Variants in TNS1 observed in about 807,000 individuals in gnomAD.
The protein encoded by TNS1 is tensin 1, also known as tensin-1.
Under a neutral mutation model 168.6 loss-of-function variants are expected in TNS1, and 62 were observed. The ratio of observed to expected loss-of-function variants is 0.37; its 90% confidence interval spans 0.30 to 0.45. The LOEUF (loss-of-function observed/expected upper bound fraction) is 0.45, where lower values mean the gene tolerates loss of function less well. TNS1 is among the 20% of genes least tolerant of loss of function. TNS1 has a pLI of 1.00. For missense variants in TNS1, 2,240 were observed against 2,339.4 expected, an observed-to-expected ratio of 0.96 and a Z score of 0.88; for synonymous variants, 934 against 933.2, an observed-to-expected ratio of 1.00 and a Z score of -0.02.
chr2:217,884,073 T>C (rs528200819), intron 16 of TNS1, among the ~76,000 whole-genome samples: 22 of 146,180 alleles, frequency 1.5e-4, no homozygotes, highest in African/African-American at 5.3e-4. Context: ...TTTCTGTTCA[T>C]ATCTATAGGG....
intron 18 of TNS1, among the ~76,000 whole-genome samples, chr2:217,865,374 CT>C (rs988855199): frequency 1.3e-5 from 2 of 152,208 alleles, no homozygotes; most frequent in Non-Finnish European, 2.9e-5. Context: ...ACCCTTGGGC[CT>C]TTCTGCCTTT....
At chr2:217,966,308 T>TGCGTGC (rs1553621682) in intron 3 of TNS1, among the ~76,000 whole-genome samples, 99 of 133,746 alleles carry the variant, frequency 7.4e-4, no homozygotes, top group African/African-American at 2.8e-3. Context: ...TGTGTGTGTG[T>TGCGTGC]GCGCGCGCGC....
chr2:217,848,457 T>C lies in TNS1; in HGVS notation c.2060A>G (p.Glu687Gly). ...GGCAGGCCCCGCCCGGCTGGCAGAC[T>C]CGTAGGGGTAGCCTCCTCCATTGAC... ...PMVNGGGYPYESASRAGPAHA... is the reference protein window; with the variant it reads ...PMVNGGGYPYGSASRAGPAHA... Residue 687 changes from glutamate to glycine, a missense_variant, in exon 19 of 33, where the codon GAG (glutamate) becomes GGG (glycine). Around this residue, in one of 2 missense-constraint regions of TNS1, gnomAD observed 2,131 missense variants for 2,171.2 expected, o/e 0.98. Transcript: ENST00000682258. 6.2e-7 allele frequency: 1 copy of C among 1,612,798 alleles called. No homozygotes were observed. The highest frequency in any genetic ancestry group is 8.5e-7 in the Non-Finnish European group (1 of 1,179,174).
chr2:217,833,224 G>A (rs966567873), intron 21 of TNS1, among the ~76,000 whole-genome samples: 4 of 152,230 alleles, frequency 2.6e-5, no homozygotes, highest in African/African-American at 4.8e-5. Context: ...GCGGACGAGA[G>A]GACCAGACAG....
At position 217,822,207 on chromosome 2, in the gene TNS1, G is replaced by A. The variant is rs144390842; in HGVS notation, c.3374-269C>T. ...GCCATCAGAGACTCTTCCCTCCAAG[G>A]ACTAGGAGGCTGTCCATAGCTGGCA... On this transcript the variant is annotated intron_variant, in intron 22 of 32. Transcript: ENST00000682258. Among the ~76,000 whole-genome samples, 71 of 152,232 alleles carry A rather than the reference G, an allele frequency of 4.7e-4. 1 individual carries two copies. The East Asian group carries it at 9.7e-3, about 21-fold the overall frequency.
chr2:218,021,895 C>T (rs750127163), intron 1 of TNS1, among the ~76,000 whole-genome samples: 1 of 152,210 alleles, frequency 6.6e-6, no homozygotes, highest in Non-Finnish European at 1.5e-5. Flanking sequence ...TGTGGATCAG[C>T]AGGCTGGCCA....
intron 30 of TNS1, 30 bp from the exon 31 acceptor site, chr2:217,808,701 A>G: frequency 1.2e-6 from 2 of 1,609,156 alleles, no homozygotes; most frequent in South Asian, 2.2e-5. Context: ...TAAACAGAGA[A>G]TGAGTGCTGA....
intron 6 of TNS1, among the ~76,000 whole-genome samples, chr2:217,902,232 G>A (rs1449915179): frequency 6.6e-6 from 1 of 152,118 alleles, no homozygotes; most frequent in South Asian, 2.1e-4. Flanking sequence ...CCCTAATGAG[G>A]AGTCCCTGAA....
chr2:217,848,328 G>C lies in TNS1; in HGVS notation c.2189C>G (p.Thr730Ser). The C allele has an allele frequency of 6.5e-7, 1 of 1,537,458 alleles. No homozygotes were observed. Among genetic ancestry groups the C allele is most frequent in the South Asian group, 1.3e-5 (1 of 78,686 alleles). ...GGGGTCATGGGCATAGTGGGAGGTG[G>C]TCACTGGCTGTGGCCAGGCTGGGTG... is the stretch of plus-strand genomic sequence containing the variant. ...GPHPAWPQPV[T>S]TSHYAHDPSG... Residue 730 changes from threonine to serine, a missense_variant, in exon 19 of 33, where the codon ACC (threonine) becomes AGC (serine). Transcript: ENST00000682258.
chr2:217,803,648 G>A lies in TNS1; in HGVS notation c.*811C>T, dbSNP rs1937834261. The A allele has an allele frequency of 6.6e-6, 1 of 152,644 alleles. No individual in the cohort carries two copies. Among genetic ancestry groups the A allele is most frequent in the African/African-American group, 2.4e-5 (1 of 41,430 alleles). The allele number at this position is 152,644 out of a possible 1,614,324, so 9.5% of individuals were successfully genotyped here. On this transcript the variant is annotated 3_prime_UTR_variant, in exon 33 of 33. Coordinates refer to ENST00000682258, the MANE Select transcript of TNS1 (RefSeq NM_001387777.1). ...GGTCTTTGTAGAAGAGAAGGGTCTG[G>A]CGGCACCCAGGGTCACTAGAGTGCA...
intron 19 of TNS1, chr2:217,841,955 GC>G: frequency 4.7e-6 from 3 of 638,258 alleles, no homozygotes; most frequent in Non-Finnish European, 8.4e-6. Context: ...TCCTTTCCTT[GC>G]CCCTTGTTGA....
At chr2:217,933,647 A>G (rs1304333828) in intron 3 of TNS1, among the ~76,000 whole-genome samples, 3 of 152,168 alleles carry the variant, frequency 2.0e-5, no homozygotes, top group African/African-American at 7.2e-5. Flanking sequence ...AGAGCAGCCC[A>G]GGGCCCCTGA....
At chr2:217,808,719 G>A (rs764923677) in intron 30 of TNS1, 48 bp from the exon 31 acceptor site, 1 of 1,571,980 alleles carries the variant, frequency 6.4e-7, no homozygotes, top group South Asian at 1.1e-5. Context: ...TGAAGGGGCT[G>A]CTTTTCCCCT....
upstream of TNS1, among the ~76,000 whole-genome samples, chr2:218,013,835 G>A (rs1476777426): frequency 1.3e-5 from 2 of 152,144 alleles, no homozygotes; most frequent in East Asian, 3.9e-4. Flanking sequence ...TCTGGATTCT[G>A]AGTGCAGGCC....
rs1037666742 is a variant in TNS1 at position 217,821,725 on chromosome 2, C to T, written c.3572+15G>A. On this transcript the variant is annotated intron_variant, in intron 23 of 32. Transcript: ENST00000682258. ...CGGATTCCCATCCCCCACCCACTGC[C>T]CCTTCCCGGCTTACCTGTCAGCACT... is the stretch of plus-strand genomic sequence containing the variant. 45 of 1,421,918 alleles carry T rather than the reference C, an allele frequency of 3.2e-5. No individual in the cohort carries two copies. Among genetic ancestry groups the T allele is most frequent in the Non-Finnish European group, 4.0e-5 (43 of 1,087,892 alleles). 88.1% of individuals were successfully genotyped at this position (1,421,918 alleles called of 1,614,324 possible). A position where few individuals can be genotyped will look rare whatever the true frequency, so the allele number is the denominator to read the frequency against.
At chr2:217,988,140 G>A (rs1257352998) in intron 2 of TNS1, among the ~76,000 whole-genome samples, 1 of 152,188 alleles carries the variant, frequency 6.6e-6, no homozygotes, top group African/African-American at 2.4e-5. Flanking sequence ...TCCTGCTACA[G>A]TGTAGCCCTG....
At chr2:217,819,948 C>T (rs944752932) in intron 23 of TNS1, among the ~76,000 whole-genome samples, 8 of 152,118 alleles carry the variant, frequency 5.3e-5, no homozygotes, top group South Asian at 4.2e-4. Context: ...CTCAGGTTCA[C>T]GGGGTGATAT....
intron 21 of TNS1, 109 bp downstream of exon 21, chr2:217,834,982 T>C: frequency 1.1e-6 from 1 of 913,704 alleles, no homozygotes. Context: ...TGGCCCCACC[T>C]GGGGCACTGT....
intron 18 of TNS1, among the ~76,000 whole-genome samples, chr2:217,868,178 T>C (rs1574881936): frequency 6.6e-6 from 1 of 152,334 alleles, no homozygotes; most frequent in Middle Eastern, 3.4e-3. Context: ...GATGTGGGGT[T>C]TTTCCTTCTC....
Sources: gnomAD v4.1 joint callset for allele counts (sites outside exome capture counted in the v4.1 genomes callset) on GRCh38, gnomAD v4.1.1 for gene constraint, gnomAD v4.1.1 regional missense constraint, MANE v1.5 for transcripts, NCBI Gene and HGNC (gene_info 2026-07-23, HGNC 2026-07-21) for gene names.